Variants in ADAMTS19 observed in about 807,000 individuals in gnomAD.
ADAMTS19 encodes A disintegrin and metalloproteinase with thrombospondin motifs 19.
ADAMTS19 carries 93 observed loss-of-function variants against 153.3 expected under a neutral mutation model. That is an observed-to-expected ratio of 0.61 (90% CI 0.51 to 0.72). ADAMTS19 has a LOEUF of 0.72. Among genes scored for constraint, ADAMTS19 ranks in the 30% least tolerant of loss-of-function variants. ADAMTS19 has a pLI of 0.00. For missense variants in ADAMTS19, 1,482 were observed against 1,552.1 expected (o/e 0.95, Z 0.76); for synonymous variants, 600 against 556.6 (o/e 1.08, Z -1.10).
At chr5:129,563,004 T>A (rs1210822385) in intron 7 of ADAMTS19, among the ~76,000 whole-genome samples, 1 of 152,078 alleles carries the variant, frequency 6.6e-6, no homozygotes, top group African/African-American at 2.4e-5. Context: ...AGGAAGCAAC[T>A]GCCAAAAAGA....
intron 10 of ADAMTS19, among the ~76,000 whole-genome samples, chr5:129,632,377 G>A (rs767512055): frequency 6.6e-6 from 1 of 151,604 alleles, no homozygotes; most frequent in Non-Finnish European, 1.5e-5. Context: ...ATATAATATA[G>A]CATCTGTGTA....
At chr5:129,585,318 T>A (rs1313004424) in intron 7 of ADAMTS19, among the ~76,000 whole-genome samples, 1 of 151,878 alleles carries the variant, frequency 6.6e-6, no homozygotes, top group Non-Finnish European at 1.5e-5. Context: ...GGCTGGGAGC[T>A]GCAGACCGGA....
chr5:129,558,909 G>C lies in ADAMTS19; in HGVS notation c.1372+7002G>C, dbSNP rs530454069. On this transcript the variant is annotated intron_variant, in intron 7 of 22. Coordinates refer to ENST00000274487, the MANE Select transcript of ADAMTS19 (RefSeq NM_133638.6). ...ATGGTTTAAATTTGCAAAAACAGGA[G>C]TCTATTTTTGATGTAGAGACAGACA... Among the ~76,000 whole-genome samples, 4 of 76,400 alleles carry C rather than the reference G, an allele frequency of 5.2e-5. 1 individual carries two copies. In the South Asian group the frequency reaches 1.9e-3, roughly 36 times the overall value. The allele number at this position is 76,400 out of a possible 152,430, so 50.1% of individuals were successfully genotyped here. A position where few individuals can be genotyped will look rare whatever the true frequency, so the allele number is the denominator to read the frequency against.
intron 21 of ADAMTS19, among the ~76,000 whole-genome samples, chr5:129,730,641 G>A (rs1472398009): frequency 6.6e-6 from 1 of 152,070 alleles, no homozygotes; most frequent in African/African-American, 2.4e-5. Flanking sequence ...TACAGAACAT[G>A]TACTTTTGGC....
At chr5:129,477,247 G>C (rs544759533) in intron 2 of ADAMTS19, among the ~76,000 whole-genome samples, 3 of 152,244 alleles carry the variant, frequency 2.0e-5, no homozygotes, top group Non-Finnish European at 4.4e-5. Context: ...AAACAGCCAA[G>C]TATCATTTGA....
intron 21 of ADAMTS19, among the ~76,000 whole-genome samples, chr5:129,720,172 T>A (rs866182048): frequency 0.012 from 1,475 of 120,860 alleles, 19 homozygotes; most frequent in African/African-American, 0.062. Context: ...ATATATATAT[T>A]TATTTTTTTT....
intron 19 of ADAMTS19, among the ~76,000 whole-genome samples, chr5:129,698,083 A>C (rs1755645802): frequency 6.6e-6 from 1 of 152,178 alleles, no homozygotes; most frequent in Non-Finnish European, 1.5e-5. Context: ...CTCAATAATG[A>C]CTTGGTAAAA....
At chr5:129,535,883 C>A (rs1436922232) in intron 6 of ADAMTS19, among the ~76,000 whole-genome samples, 3 of 152,108 alleles carry the variant, frequency 2.0e-5, no homozygotes, top group Admixed American at 6.6e-5. Flanking sequence ...AACTGGATCC[C>A]TTCCTTACAC....
chr5:129,548,689 A>T (rs930971206), intron 6 of ADAMTS19, among the ~76,000 whole-genome samples: 1 of 151,886 alleles, frequency 6.6e-6, no homozygotes, highest in Admixed American at 6.6e-5. Context: ...TATACCCAAA[A>T]GATTATAAAT....
At chr5:129,511,657 G>A (rs1316723991) in intron 3 of ADAMTS19, among the ~76,000 whole-genome samples, 1 of 151,196 alleles carries the variant, frequency 6.6e-6, no homozygotes, top group Non-Finnish European at 1.5e-5. Flanking sequence ...GGACAATTGA[G>A]TCTCAAAGAT....
At position 129,722,260 on chromosome 5, in the gene ADAMTS19, C is replaced by G. The variant is rs149081251; in HGVS notation, c.3313-12672C>G. On this transcript the variant is annotated intron_variant, in intron 21 of 22. Transcript: ENST00000274487. ...TATTTCTCCACAGCCTCACCAGTAT[C>G]TGTTGTTTCTTGACTTTTTAATAAT... Among the ~76,000 whole-genome samples the G allele has an allele frequency of 1.2e-3, 190 of 152,310 alleles. 1 individual carries two copies. The highest frequency in any genetic ancestry group is 4.4e-3 in the African/African-American group (182 of 41,578).
rs59614056 is a variant in ADAMTS19, at chr5:129,702,941, A to AATATATATAT, written c.3160-1276_3160-1267dup. Among the ~76,000 whole-genome samples the AATATATATAT allele has an allele frequency of 8.5e-4, 25 of 29,274 alleles. 1 individual carries two copies. Among genetic ancestry groups the AATATATATAT allele is most frequent in the African/African-American group, 1.8e-3 (21 of 11,714 alleles). 19.2% of individuals were successfully genotyped at this position (29,274 alleles called of 152,430 possible). A position where few individuals can be genotyped will look rare whatever the true frequency, so the allele number is the denominator to read the frequency against. ...TAGTTTGACTTGCCAAAAAAAAAAA[A>AATATATATAT]ATATATATATATATATATATATATA... On this transcript the variant is annotated intron_variant, in intron 20 of 22. Transcript: ENST00000274487.
chr5:129,549,982 G>A (rs1297111171), intron 6 of ADAMTS19, among the ~76,000 whole-genome samples: 2 of 132,068 alleles, frequency 1.5e-5, no homozygotes, highest in African/African-American at 5.8e-5. Context: ...ACATATACAT[G>A]TATCTGTATA....
In ADAMTS19 at chr5:129,648,785, C is replaced by T; in HGVS notation, c.2004-13C>T. ...AAAAACATAAAATTGATTATTTGTA[C>T]TTTCTTTTCTAGGCTAGATTCTGAA... On this transcript the variant is annotated splice_polypyrimidine_tract_variant and intron_variant, in intron 12 of 22. Transcript: ENST00000274487. The T allele has an allele frequency of 1.2e-6, 2 of 1,608,176 alleles. No individual in the cohort carries two copies. The highest frequency in any genetic ancestry group is 2.7e-5 in the African/African-American group (2 of 74,766).
chr5:129,700,208 T>C (rs1012656988), intron 19 of ADAMTS19, among the ~76,000 whole-genome samples: 5 of 152,194 alleles, frequency 3.3e-5, no homozygotes, highest in African/African-American at 1.2e-4. Context: ...AAGGTAGCTC[T>C]CCATCTAGAT....
At chr5:129,517,599 C>G (rs1263177317) in intron 3 of ADAMTS19, among the ~76,000 whole-genome samples, 1 of 151,872 alleles carries the variant, frequency 6.6e-6, no homozygotes, top group Non-Finnish European at 1.5e-5. Flanking sequence ...ATAAATATAG[C>G]AACTCCTGCT....
At chr5:129,610,579 G>A (rs541553594) in intron 8 of ADAMTS19, among the ~76,000 whole-genome samples, 4 of 152,144 alleles carry the variant, frequency 2.6e-5, no homozygotes, top group African/African-American at 9.6e-5. Flanking sequence ...TGAGAATGAT[G>A]GTTTTCAGCT....
In ADAMTS19 at chr5:129,736,668, A is replaced by G. The variant is rs1376673119; in HGVS notation, c.3491-399A>G. 3.9e-5 allele frequency among the ~76,000 whole-genome samples: 6 copies of G among 152,210 alleles called. No individual in the cohort carries two copies. In the South Asian group the frequency reaches 1.2e-3, roughly 31 times the overall value. ...TATTTTTACTTTGCTGTTTCCTTGT[A>G]ATTTCAACCCTAATAATAGTATTTA... On this transcript the variant is annotated intron_variant, in intron 22 of 22. Coordinates refer to ENST00000274487, the MANE Select transcript of ADAMTS19 (RefSeq NM_133638.6).
chr5:129,522,262 A>G (rs569005415), intron 3 of ADAMTS19, among the ~76,000 whole-genome samples: 1 of 146,002 alleles, frequency 6.8e-6, no homozygotes, highest in Non-Finnish European at 1.5e-5. Flanking sequence ...CATAATATAT[A>G]AACAACATAT....
Sources: gnomAD v4.1 joint callset for allele counts (sites outside exome capture counted in the v4.1 genomes callset) on GRCh38, gnomAD v4.1.1 for gene constraint, MANE v1.5 for transcripts, NCBI Gene and HGNC (gene_info 2026-07-23, HGNC 2026-07-21) for gene names.